TAFA2: variants seen among roughly 807,000 people sequenced by gnomAD.
TAFA2 encodes the protein TAFA chemokine like family member 2.
TAFA2 carries 7 observed loss-of-function variants against 18.8 expected under a neutral mutation model. The observed-to-expected ratio is 0.37, with a 90% CI of 0.21 to 0.70. The LOEUF (loss-of-function observed/expected upper bound fraction) is 0.70, where lower values mean the gene tolerates loss of function less well. TAFA2 is among the 30% of genes least tolerant of loss of function. The pLI is 0.53. For synonymous variants in TAFA2, 60 were observed against 54.2 expected, an observed-to-expected ratio of 1.11 and a Z score of -0.47; for missense variants, 122 against 158.1, an observed-to-expected ratio of 0.77 and a Z score of 1.23.
At chr12:62,074,550 A>T (rs1224517538) in intron 1 of TAFA2, among the ~76,000 whole-genome samples, 4 of 152,308 alleles carry the variant, frequency 2.6e-5, no homozygotes, top group African/African-American at 7.2e-5. Context: ...TAGCTATAAA[A>T]TGCCATAAAA....
chr12:62,106,442 C>T (rs1204318237), intron 1 of TAFA2, among the ~76,000 whole-genome samples: 3 of 152,112 alleles, frequency 2.0e-5, no homozygotes, highest in African/African-American at 7.2e-5. Context: ...GTCCTAAATT[C>T]AGACGTTATC....
intron 1 of TAFA2, among the ~76,000 whole-genome samples, chr12:62,223,430 G>C (rs145817742): frequency 6.6e-6 from 1 of 152,136 alleles, no homozygotes; most frequent in African/African-American, 2.4e-5. Context: ...CCCTCACCTC[G>C]GCCTCCCAAA....
chr12:62,067,307 T>C (rs1882515764), intron 1 of TAFA2, among the ~76,000 whole-genome samples: 1 of 152,098 alleles, frequency 6.6e-6, no homozygotes, highest in Admixed American at 6.6e-5. Context: ...GTGCAGAAGC[T>C]TTCTAACTTG....
intron 1 of TAFA2, among the ~76,000 whole-genome samples, chr12:61,896,997 A>T (rs1476544108): frequency 1.3e-5 from 2 of 152,186 alleles, no homozygotes; most frequent in African/African-American, 4.8e-5. Context: ...GACTGATTTC[A>T]TGCAATATTA....
chr12:62,091,925 G>A lies in TAFA2; in HGVS notation c.-2+99334C>T, dbSNP rs115006270. Among the ~76,000 whole-genome samples the A allele has an allele frequency of 6.6e-3, 999 of 152,092 alleles. 14 individuals are homozygous for A. Among genetic ancestry groups the A allele is most frequent in the African/African-American group, 0.023 (945 of 41,524 alleles). On this transcript the variant is annotated intron_variant, in intron 1 of 4. Coordinates refer to ENST00000416284, the MANE Select transcript of TAFA2 (RefSeq NM_178539.5). ...TGCTGTCGACAGAGTATCAAGTTGA[G>A]TGACATATTCTTTTCAGCTAGTCAT... is the stretch of plus-strand genomic sequence containing the variant.
At chr12:62,022,704 G>C (rs771634908) in intron 1 of TAFA2, among the ~76,000 whole-genome samples, 1 of 152,154 alleles carries the variant, frequency 6.6e-6, no homozygotes, top group Non-Finnish European at 1.5e-5. Context: ...TCTGCTCTTA[G>C]GCAAATGTAC....
intron 1 of TAFA2, chr12:62,258,211 A>G (rs2062949762): frequency 6.6e-6 from 1 of 152,230 alleles, no homozygotes; most frequent in Non-Finnish European, 1.5e-5. Context: ...TGCTAAATAA[A>G]ATACTATAAT....
At chr12:61,732,733 T>TTG (rs879689003) in intron 4 of TAFA2, among the ~76,000 whole-genome samples, 2,679 of 111,478 alleles carry the variant, frequency 0.024, 39 homozygotes, top group Middle Eastern at 0.046. Context: ...AAGTGATTTT[T>TTG]TGTGTGTGTG....
intron 4 of TAFA2, among the ~76,000 whole-genome samples, chr12:61,722,776 T>A (rs571158800): frequency 6.6e-6 from 1 of 152,244 alleles, no homozygotes; most frequent in Admixed American, 6.6e-5. Context: ...CTAATCTATT[T>A]CCTACTCTTG....
upstream of TAFA2, among the ~76,000 whole-genome samples, chr12:62,194,774 A>C (rs2062642174): frequency 6.6e-6 from 1 of 152,200 alleles, no homozygotes; most frequent in Admixed American, 6.5e-5. Context: ...CATGCCTCAA[A>C]AATGTTGCAG....
At chr12:62,128,559 C>T (rs1920103) in intron 1 of TAFA2, among the ~76,000 whole-genome samples, 23,858 of 151,890 alleles carry the variant, frequency 0.16, 2,287 homozygotes, top group East Asian at 0.33. Flanking sequence ...ACGTATATCT[C>T]CCCACCACTC....
chr12:61,986,185 T>C (rs913526664), intron 1 of TAFA2, among the ~76,000 whole-genome samples: 3 of 146,298 alleles, frequency 2.1e-5, no homozygotes, highest in Non-Finnish European at 4.5e-5. Context: ...TTTTTTTTTT[T>C]TGTCTCACTC....
chr12:61,888,945 C>T (rs1357442091), intron 1 of TAFA2, among the ~76,000 whole-genome samples: 1 of 152,100 alleles, frequency 6.6e-6, no homozygotes, highest in Non-Finnish European at 1.5e-5. Context: ...TTTTTTAATG[C>T]TACCCCTCTC....
chr12:62,083,308 T>G (rs959528299), intron 1 of TAFA2, among the ~76,000 whole-genome samples: 1 of 151,986 alleles, frequency 6.6e-6, no homozygotes, highest in Non-Finnish European at 1.5e-5. Context: ...TTCTGAATGG[T>G]AATGACAACT....
intron 1 of TAFA2, among the ~76,000 whole-genome samples, chr12:62,073,551 G>A (rs1882688289): frequency 6.6e-6 from 1 of 151,354 alleles, no homozygotes; most frequent in African/African-American, 2.4e-5. Flanking sequence ...GTTATAGGTA[G>A]GTGTTATTAT....
intron 1 of TAFA2, among the ~76,000 whole-genome samples, chr12:62,107,852 C>G (rs966136364): frequency 6.6e-6 from 1 of 152,122 alleles, no homozygotes; most frequent in African/African-American, 2.4e-5. Context: ...TTAGTATCTG[C>G]AAGAGGCCAT....
intron 1 of TAFA2, among the ~76,000 whole-genome samples, chr12:62,076,670 C>A (rs888748730): frequency 2.6e-5 from 4 of 152,142 alleles, no homozygotes; most frequent in African/African-American, 7.2e-5. Context: ...CTTCTCCTAC[C>A]CCCAAACAGA....
chr12:62,163,061 G>C (rs1055313281), intron 1 of TAFA2, among the ~76,000 whole-genome samples: 2 of 152,054 alleles, frequency 1.3e-5, no homozygotes, highest in African/African-American at 2.4e-5. Context: ...TTAAAATATT[G>C]AGTATGCATA....
intron 1 of TAFA2, among the ~76,000 whole-genome samples, chr12:62,251,770 A>AC (rs1022474704): frequency 2.0e-5 from 3 of 152,210 alleles, no homozygotes; most frequent in Non-Finnish European, 4.4e-5. Flanking sequence ...GTTATTGCAC[A>AC]CTGGCTGCCC....
Sources: gnomAD v4.1 joint callset for allele counts (sites outside exome capture counted in the v4.1 genomes callset) on GRCh38, gnomAD v4.1.1 for gene constraint, MANE v1.5 for transcripts, NCBI Gene and HGNC (gene_info 2026-07-23, HGNC 2026-07-21) for gene names.